The following FGF14 variants were observed in gnomAD, a reference collection of about 807,000 sequenced individuals.
FGF14 encodes fibroblast growth factor homologous factor 4.
Under a neutral mutation model 25.5 loss-of-function variants are expected in FGF14, and 5 were observed. That is an observed-to-expected ratio of 0.20 (90% CI 0.10 to 0.41). The LOEUF (loss-of-function observed/expected upper bound fraction) is 0.41. Ranked by LOEUF, FGF14 falls within the 10% of genes least tolerant of loss-of-function variation. FGF14 has a pLI of 1.00. For missense variants in FGF14, 222 were observed against 320.1 expected, an observed-to-expected ratio of 0.69 and a Z score of 2.34; for synonymous variants, 138 against 118.3, an observed-to-expected ratio of 1.17 and a Z score of -1.08.
chr13:102,203,709 G>A (rs922970818), intron 1 of FGF14, among the ~76,000 whole-genome samples: 2 of 152,072 alleles, frequency 1.3e-5, no homozygotes, highest in Non-Finnish European at 2.9e-5. Context: ...GCTTTTAAGT[G>A]TACTTCATGA....
At chr13:101,938,823 G>C (rs1459465162) in intron 1 of FGF14, among the ~76,000 whole-genome samples, 1 of 152,150 alleles carries the variant, frequency 6.6e-6, no homozygotes, top group East Asian at 1.9e-4. Flanking sequence ...CTGGAATTAG[G>C]ACATAGATGA....
chr13:101,832,122 A>T (rs188683112), intron 3 of FGF14, among the ~76,000 whole-genome samples: 7 of 152,226 alleles, frequency 4.6e-5, no homozygotes, highest in Non-Finnish European at 1.0e-4. Context: ...AGAAAGGCAG[A>T]GGGAGATCCG....
chr13:102,333,578 T>C (rs768717740), intron 1 of FGF14, among the ~76,000 whole-genome samples: 2 of 152,288 alleles, frequency 1.3e-5, no homozygotes, highest in Admixed American at 1.3e-4. Context: ...AAAGGCAATG[T>C]CAGAGATATT....
chr13:102,083,605 T>C (rs568916101), intron 1 of FGF14, among the ~76,000 whole-genome samples: 1 of 152,330 alleles, frequency 6.6e-6, no homozygotes, highest in Admixed American at 6.5e-5. Context: ...TAAAACCCAC[T>C]GACAACTTGT....
chr13:102,254,394 C>G (rs1410727680), intron 1 of FGF14, among the ~76,000 whole-genome samples: 1 of 152,112 alleles, frequency 6.6e-6, no homozygotes, highest in Non-Finnish European at 1.5e-5. Context: ...ACAGGTGGAG[C>G]TCAGGGGCTG....
At chr13:101,824,775 C>G (rs1044262196) in intron 3 of FGF14, among the ~76,000 whole-genome samples, 21 of 152,264 alleles carry the variant, frequency 1.4e-4, no homozygotes, top group African/African-American at 4.3e-4. Flanking sequence ...CATTCCTAAC[C>G]TCCAACTGAG....
At chr13:101,913,219 T>C (rs920398757) in intron 1 of FGF14, among the ~76,000 whole-genome samples, 7 of 152,192 alleles carry the variant, frequency 4.6e-5, no homozygotes, top group African/African-American at 1.4e-4. Flanking sequence ...TTTGAAAGCA[T>C]ATGACTAATT....
Position 101,712,711 on chromosome 13 carries a change from G to T in FGF14, c.*10120C>A, listed in dbSNP as rs1046057248. On this transcript the variant is annotated 3_prime_UTR_variant, in exon 5 of 5. Coordinates refer to ENST00000376143, the MANE Select transcript of FGF14 (RefSeq NM_004115.4). The stretch of plus-strand genomic sequence containing the variant: ...TGATAGTCAATGAAATACTCCATGT[G>T]GTCTTTGTTGGCAGATATATCACTA... 6.6e-6 allele frequency: 1 copy of T among 152,148 alleles called. No individual in the cohort carries two copies. The highest frequency in any genetic ancestry group is 2.4e-5 in the African/African-American group (1 of 41,428). The allele number at this position is 152,148 out of a possible 1,614,324, so 9.4% of individuals were successfully genotyped here.
chr13:101,919,720 C>T (rs2033856899), upstream of FGF14, among the ~76,000 whole-genome samples: 1 of 152,160 alleles, frequency 6.6e-6, no homozygotes, highest in African/African-American at 2.4e-5. Context: ...CTGACACTTT[C>T]CTCCCCTAAA....
intron 1 of FGF14, among the ~76,000 whole-genome samples, chr13:102,266,397 A>G (rs141520042): frequency 8.4e-4 from 128 of 152,262 alleles, no homozygotes; most frequent in African/African-American, 3.0e-3. Flanking sequence ...AGCAAACTCT[A>G]AATTACAAAA....
At chr13:101,737,170 T>C (rs561737500) in intron 3 of FGF14, among the ~76,000 whole-genome samples, 2 of 150,946 alleles carry the variant, frequency 1.3e-5, no homozygotes, top group Non-Finnish European at 3.0e-5. Flanking sequence ...GGAGGCATAA[T>C]TTAAGAAATT....
chr13:101,804,241 T>C (rs1434630912), intron 3 of FGF14, among the ~76,000 whole-genome samples: 1 of 152,096 alleles, frequency 6.6e-6, no homozygotes, highest in Non-Finnish European at 1.5e-5. Context: ...TTGGGCTGGA[T>C]GTGTAAGGAG....
intron 1 of FGF14, among the ~76,000 whole-genome samples, chr13:102,156,819 G>A (rs888994272): frequency 2.0e-5 from 3 of 152,092 alleles, no homozygotes; most frequent in African/African-American, 7.2e-5. Flanking sequence ...AAAGTCTCAG[G>A]ATACAAAATC....
chr13:102,220,711 A>C (rs1392050023), intron 1 of FGF14, among the ~76,000 whole-genome samples: 1 of 152,198 alleles, frequency 6.6e-6, no homozygotes, highest in Non-Finnish European at 1.5e-5. Flanking sequence ...TCTTGGCATC[A>C]AGAGTCACTT....
At chr13:101,751,574 C>T (rs184071012) in intron 3 of FGF14, among the ~76,000 whole-genome samples, 6 of 152,028 alleles carry the variant, frequency 3.9e-5, no homozygotes, top group African/African-American at 1.2e-4. Flanking sequence ...CCCAGGTTGA[C>T]GAAGCAAAAA....
At chr13:101,811,263 C>T (rs1325218246) in intron 3 of FGF14, among the ~76,000 whole-genome samples, 2 of 152,134 alleles carry the variant, frequency 1.3e-5, no homozygotes, top group African/African-American at 4.8e-5. Context: ...TGTGCTCCAC[C>T]AATTTATTTC....
At chr13:101,961,302 A>G (rs2036842854) in intron 1 of FGF14, among the ~76,000 whole-genome samples, 1 of 152,094 alleles carries the variant, frequency 6.6e-6, no homozygotes, top group Non-Finnish European at 1.5e-5. Flanking sequence ...ATTTTCTTCT[A>G]GGGTTTTTAT....
At chr13:102,075,002 T>C (rs150383708) in intron 1 of FGF14, among the ~76,000 whole-genome samples, 1 of 152,334 alleles carries the variant, frequency 6.6e-6, no homozygotes, top group Non-Finnish European at 1.5e-5. Flanking sequence ...GCTTTTCTTC[T>C]GAGATCAGGA....
rs559801772 is a variant in FGF14 at position 102,057,715 on chromosome 13, C to T, written c.209-182419G>A. 3.1e-3 allele frequency among the ~76,000 whole-genome samples: 469 copies of T among 152,132 alleles called. 5 individuals carry two copies. The highest frequency in any genetic ancestry group is 0.011 in the African/African-American group (445 of 41,518). Reference sequence around the variant, plus strand: ...TTTTGTTGACAGTAATTTCTTAATGCATAATTCAGTGCTGACTGAAAAATA... The same window carrying T: ...TTTTGTTGACAGTAATTTCTTAATGTATAATTCAGTGCTGACTGAAAAATA... On this transcript the variant is annotated intron_variant, in intron 1 of 4. Transcript: ENST00000376131.
Sources: gnomAD v4.1 joint callset for allele counts (sites outside exome capture counted in the v4.1 genomes callset) on GRCh38, gnomAD v4.1.1 for gene constraint, MANE v1.5 for transcripts, NCBI Gene and HGNC (gene_info 2026-07-23, HGNC 2026-07-21) for gene names.